MED26: variants seen among roughly 807,000 people sequenced by gnomAD.
MED26 encodes mediator of RNA polymerase II transcription subunit 26.
MED26 carries 7 observed loss-of-function variants against 43.7 expected under a neutral mutation model. That is an observed-to-expected ratio of 0.16 (90% confidence interval 0.09 to 0.30). The LOEUF is 0.30. Among genes scored for constraint, MED26 ranks in the 10% least tolerant of loss-of-function variants. MED26 has a pLI of 1.00. For synonymous variants in MED26, 375 were observed against 371.1 expected (o/e 1.01, Z -0.12); for missense variants, 784 against 840.6 (o/e 0.93, Z 0.83).
At chr19:16,618,422 A>G (rs2086235650) in intron 1 of MED26, among the ~76,000 whole-genome samples, 2 of 152,350 alleles carry the variant, frequency 1.3e-5, no homozygotes, top group Admixed American at 6.5e-5. Context: ...GCAGCTGGCC[A>G]GCACCTGCAC....
chr19:16,592,713 C>T (rs768993693), intron 1 of MED26, among the ~76,000 whole-genome samples: 17 of 152,196 alleles, frequency 1.1e-4, no homozygotes, highest in Admixed American at 2.6e-4. Flanking sequence ...ACCTCAAAGC[C>T]GGTGTTTCTA....
chr19:16,603,835 T>C (rs907924393), intron 1 of MED26, among the ~76,000 whole-genome samples: 1 of 151,976 alleles, frequency 6.6e-6, no homozygotes. Context: ...GACCCCGAGG[T>C]TGGAATGCAC....
intron 1 of MED26, among the ~76,000 whole-genome samples, chr19:16,609,198 G>A (rs114736278): frequency 0.012 from 1,750 of 151,348 alleles, 31 homozygotes; most frequent in African/African-American, 0.041. Flanking sequence ...ACCTATAGTC[G>A]CAGCTGCTTA....
At chr19:16,615,082 A>C (rs2086217707) in intron 1 of MED26, among the ~76,000 whole-genome samples, 1 of 151,072 alleles carries the variant, frequency 6.6e-6, no homozygotes, top group Non-Finnish European at 1.5e-5. Context: ...TTCAAGGGGA[A>C]TGGGGGTGGG....
intron 1 of MED26, among the ~76,000 whole-genome samples, chr19:16,618,326 T>G (rs1041781981): frequency 1.3e-5 from 2 of 152,060 alleles, no homozygotes; most frequent in African/African-American, 4.8e-5. Flanking sequence ...AGGCAGTGAC[T>G]GAAGCACCAG....
In MED26 at chr19:16,627,958, G is replaced by C. The variant is rs939755304; in HGVS notation, c.-15C>G. 1.4e-6 allele frequency: 2 copies of C among 1,443,636 alleles called. No homozygotes were observed. The highest frequency in any genetic ancestry group is 1.5e-5 in the African/African-American group (1 of 68,032). 89.4% of individuals were successfully genotyped at this position (1,443,636 alleles called of 1,614,324 possible). On this transcript the variant is annotated 5_prime_UTR_variant, in exon 1 of 3. Coordinates refer to ENST00000263390, the MANE Select transcript of MED26 (RefSeq NM_004831.5). ...GCCGCTGTCATTGCCTGGGCGAGGCGGGGGGTTGCGGCCGGGCCAGCGGGC... is the reference window on the plus strand; with the variant it reads ...GCCGCTGTCATTGCCTGGGCGAGGCCGGGGGTTGCGGCCGGGCCAGCGGGC...
At chr19:16,601,715 C>G (rs2086150439) in intron 1 of MED26, among the ~76,000 whole-genome samples, 1 of 152,208 alleles carries the variant, frequency 6.6e-6, no homozygotes. Context: ...GACCCGGGAG[C>G]AGCACAAGTA....
intron 1 of MED26, among the ~76,000 whole-genome samples, chr19:16,618,319 C>T (rs551658921): frequency 1.4e-4 from 21 of 152,268 alleles, no homozygotes; most frequent in African/African-American, 4.8e-4. Flanking sequence ...CCATTCCAGG[C>T]AGTGACTGAA....
At chr19:16,583,820 C>T (rs1314223774) in intron 1 of MED26, among the ~76,000 whole-genome samples, 2 of 152,184 alleles carry the variant, frequency 1.3e-5, no homozygotes, top group South Asian at 2.1e-4. Flanking sequence ...ACATTAATCT[C>T]GTCCTTCTGG....
chr19:16,583,260 A>T (rs1277095966), intron 1 of MED26, among the ~76,000 whole-genome samples: 1 of 152,124 alleles, frequency 6.6e-6, no homozygotes, highest in Non-Finnish European at 1.5e-5. Flanking sequence ...GTCCAAAAAA[A>T]CCTCTCAAAA....
At chr19:16,592,989 G>A (rs1024041378) in intron 1 of MED26, among the ~76,000 whole-genome samples, 3 of 152,226 alleles carry the variant, frequency 2.0e-5, no homozygotes, top group East Asian at 1.9e-4. Context: ...AGGACTGGCC[G>A]AATTCTGCCC....
intron 1 of MED26, among the ~76,000 whole-genome samples, chr19:16,612,883 T>A (rs2086205880): frequency 1.3e-5 from 2 of 152,200 alleles, no homozygotes; most frequent in Admixed American, 6.5e-5. Flanking sequence ...TGTTGTCTTG[T>A]AACTGCTCCT....
At chr19:16,609,554 T>C (rs2086190073) in intron 1 of MED26, among the ~76,000 whole-genome samples, 1 of 152,128 alleles carries the variant, frequency 6.6e-6, no homozygotes, top group Admixed American at 6.5e-5. Flanking sequence ...CATATGTATA[T>C]GTATGGATTT....
intron 1 of MED26, 172 bp from the exon 2 acceptor site, chr19:16,578,581 C>A: frequency 1.6e-6 from 1 of 617,618 alleles, no homozygotes; most frequent in Non-Finnish European, 2.8e-6. Context: ...CAACCTGGCA[C>A]CCAGTGCTCA....
chr19:16,602,849 T>C (rs1425141405), intron 1 of MED26, among the ~76,000 whole-genome samples: 1 of 151,588 alleles, frequency 6.6e-6, no homozygotes. Context: ...GGGACGTGAG[T>C]GTTGAATGGG....
intron 1 of MED26, among the ~76,000 whole-genome samples, chr19:16,599,212 G>C (rs1003323425): frequency 1.3e-5 from 2 of 152,056 alleles, no homozygotes; most frequent in South Asian, 4.1e-4. Flanking sequence ...GTGATATTTC[G>C]TGGGTTATAC....
chr19:16,600,340 C>A (rs1033692794), intron 1 of MED26, among the ~76,000 whole-genome samples: 4 of 152,318 alleles, frequency 2.6e-5, no homozygotes, highest in African/African-American at 9.6e-5. Context: ...ATGACTGGGA[C>A]CCCTGGCCCT....
rs1374294939 is a variant in MED26 at position 16,627,970 on chromosome 19, CCGGGCCAGCGGGCGGG to C, written c.-43_-28del. 3 of 1,423,760 alleles carry C rather than the reference CCGGGCCAGCGGGCGGG, an allele frequency of 2.1e-6. No homozygotes were observed. Among genetic ancestry groups the C allele is most frequent in the African/African-American group, 1.5e-5 (1 of 67,934 alleles). The allele number at this position is 1,423,760 out of a possible 1,614,324, so 88.2% of individuals were successfully genotyped here. ...GCCTGGGCGAGGCGGGGGGTTGCGG[CCGGGCCAGCGGGCGGG>C]CGGGCTGAGGCGGGGGACGGGGGTC... On this transcript the variant is annotated 5_prime_UTR_variant, in exon 1 of 3. Transcript: ENST00000263390.
At chr19:16,578,606 C>G in intron 1 of MED26, 197 bp from the exon 2 acceptor site, 1 of 588,108 alleles carries the variant, frequency 1.7e-6, no homozygotes, top group Non-Finnish European at 3.0e-6. Flanking sequence ...CACCTGCCGT[C>G]TGACCTCCTC....
Sources: allele counts gnomAD v4.1 joint callset (sites outside exome capture counted in the v4.1 genomes callset), GRCh38; gene constraint gnomAD v4.1.1; transcripts MANE v1.5; gene names NCBI Gene and HGNC (gene_info 2026-07-23, HGNC 2026-07-21).